The following PYY variants were observed in gnomAD, a reference collection of about 807,000 sequenced individuals.
PYY encodes peptide YY.
PYY carries 12 observed loss-of-function variants against 10.3 expected under a neutral mutation model. The ratio of observed to expected loss-of-function variants is 1.17; its 90% CI spans 0.75 to 1.89. PYY has a LOEUF of 1.89. Among genes scored for constraint, PYY ranks in the 40% most tolerant of loss-of-function variants. The pLI, the probability that PYY is intolerant of heterozygous loss-of-function variation, is 0.00. For missense variants in PYY, 141 were observed against 134.0 expected (o/e 1.05, Z -0.26); for synonymous variants, 66 against 62.0 (o/e 1.06, Z -0.30).
chr17:44,002,116 C>A (rs1332786999), intron 1 of PYY, among the ~76,000 whole-genome samples: 1 of 152,168 alleles, frequency 6.6e-6, no homozygotes, highest in Non-Finnish European at 1.5e-5. Context: ...GCCTTGGAAC[C>A]CAAGATTTCT....
In PYY at chr17:43,953,898, T is replaced by G; in HGVS notation, c.-49A>C. On this transcript the variant is annotated 5_prime_UTR_variant, in exon 1 of 4. Transcript: ENST00000692052. ...AGCAGGAGGTGGAAGGCGAGGGAAGTCCCAAGGGCTGCACTGCCGCAGGTC... is the reference window on the plus strand; with the variant it reads ...AGCAGGAGGTGGAAGGCGAGGGAAGGCCCAAGGGCTGCACTGCCGCAGGTC... 6.2e-6 allele frequency: 1 copy of G among 161,300 alleles called. No homozygotes were observed. Among genetic ancestry groups the G allele is most frequent in the Non-Finnish European group, 1.4e-5 (1 of 72,910 alleles). The allele number at this position is 161,300 out of a possible 1,614,324, so 10.0% of individuals were successfully genotyped here.
intron 1 of PYY, among the ~76,000 whole-genome samples, chr17:43,971,287 C>T (rs1208208566): frequency 3.3e-5 from 5 of 151,860 alleles, no homozygotes; most frequent in Admixed American, 1.3e-4. Context: ...TTGCATTTTC[C>T]GGCCAAGCGT....
chr17:43,976,214 T>TAC (rs2048838803), intron 1 of PYY, among the ~76,000 whole-genome samples: 6 of 143,660 alleles, frequency 4.2e-5, no homozygotes, highest in Admixed American at 3.4e-4. Flanking sequence ...CATATACGTA[T>TAC]ATGTATACAT....
intron 1 of PYY, among the ~76,000 whole-genome samples, chr17:43,968,033 G>T (rs1316838891): frequency 1.3e-5 from 2 of 152,088 alleles, no homozygotes; most frequent in African/African-American, 2.4e-5. Context: ...AGTAGCAGTG[G>T]TGACAGTAGT....
chr17:43,966,926 A>G (rs1335821992), intron 1 of PYY, among the ~76,000 whole-genome samples: 1 of 152,218 alleles, frequency 6.6e-6, no homozygotes, highest in Non-Finnish European at 1.5e-5. Context: ...GTATACACAC[A>G]TACACACACA....
intron 1 of PYY, among the ~76,000 whole-genome samples, chr17:43,968,226 T>C (rs930658226): frequency 6.6e-6 from 1 of 152,018 alleles, no homozygotes; most frequent in Non-Finnish European, 1.5e-5. Flanking sequence ...TTAAAAACAG[T>C]TGTAGTCCCA....
At chr17:43,960,785 G>T (rs981546099) in intron 2 of PYY, among the ~76,000 whole-genome samples, 1 of 149,468 alleles carries the variant, frequency 6.7e-6, no homozygotes, top group African/African-American at 2.5e-5. Context: ...AGGAGGCGGG[G>T]ATTGCAGTGA....
At chr17:43,986,555 A>G (rs1286511750) in intron 1 of PYY, among the ~76,000 whole-genome samples, 1 of 152,226 alleles carries the variant, frequency 6.6e-6, no homozygotes, top group Non-Finnish European at 1.5e-5. Context: ...CCAGCTCTAC[A>G]GCCCACTGAT....
chr17:44,003,516 G>A lies in PYY; in HGVS notation c.-463+875C>T, dbSNP rs117406516. ...CTAAAAATACAAAGATTAGCCGGGT[G>A]TGATGGTGTCTGCCTGTAATCCCTG... On this transcript the variant is annotated intron_variant, in intron 1 of 6. Coordinates refer to the PYY transcript ENST00000360085. Among the ~76,000 whole-genome samples, 1,248 of 152,076 alleles carry A rather than the reference G, an allele frequency of 8.2e-3. 45 individuals carry two copies. Among genetic ancestry groups the A allele is most frequent in the Admixed American group, 0.063 (958 of 15,272 alleles).
intron 1 of PYY, among the ~76,000 whole-genome samples, chr17:43,980,884 T>C (rs2143938431): frequency 6.6e-6 from 1 of 152,356 alleles, no homozygotes; most frequent in East Asian, 1.9e-4. Context: ...TGTAATATTC[T>C]GTGGTGTGAA....
chr17:43,953,344 C>T lies in PYY; in HGVS notation c.140G>A (p.Arg47His), dbSNP rs765291961. The change falls in exon 2 of 4, where the codon CGC (arginine) becomes CAC (histidine). Residue 47 changes from arginine to histidine, a missense_variant. Physicochemically the swap from Arg to His is conservative, Grantham distance 29. Transcript: ENST00000692052. Reference sequence around the variant, plus strand: ...GTAGTGGCGCAGGGAGGCGTAGTAGCGGTTCAGCTCCTCCGGCGAGGCGTC... The same window carrying T: ...GTAGTGGCGCAGGGAGGCGTAGTAGTGGTTCAGCTCCTCCGGCGAGGCGTC... ...REDASPEELN[R>H]YYASLRHYLN... 11 of 1,612,614 alleles carry T rather than the reference C, an allele frequency of 6.8e-6. No individual in the cohort carries two copies. The highest frequency in any genetic ancestry group is 5.5e-5 in the South Asian group (5 of 90,976).
upstream of PYY, chr17:43,954,035 C>A (rs1270876136): frequency 6.5e-6 from 1 of 153,492 alleles, no homozygotes; most frequent in African/African-American, 2.4e-5. Context: ...GGCCCTTCTT[C>A]CTCCCTCCTT....
intron 1 of PYY, among the ~76,000 whole-genome samples, chr17:43,990,405 C>T (rs2143953744): frequency 6.8e-6 from 1 of 146,370 alleles, no homozygotes; most frequent in Non-Finnish European, 1.5e-5. Context: ...CACCATTGCA[C>T]TCCAGCCTGG....
chr17:43,971,731 G>A (rs898406687), intron 1 of PYY, among the ~76,000 whole-genome samples: 4 of 150,598 alleles, frequency 2.7e-5, no homozygotes, highest in Admixed American at 1.3e-4. Flanking sequence ...GAGTTTGAAG[G>A]GTTCTTTATA....
At chr17:44,001,915 C>T (rs1171985595) in intron 1 of PYY, among the ~76,000 whole-genome samples, 1 of 152,166 alleles carries the variant, frequency 6.6e-6, no homozygotes, top group Non-Finnish European at 1.5e-5. Flanking sequence ...GAAAGAGAAG[C>T]ACATTTGGGT....
At chr17:43,963,886 C>A (rs2048736754) in intron 2 of PYY, among the ~76,000 whole-genome samples, 1 of 151,948 alleles carries the variant, frequency 6.6e-6, no homozygotes. Context: ...TGATGGCATG[C>A]ACTTTTAGTC....
chr17:44,000,752 G>A (rs980393867), intron 1 of PYY, among the ~76,000 whole-genome samples: 1 of 151,320 alleles, frequency 6.6e-6, no homozygotes, highest in Non-Finnish European at 1.5e-5. Context: ...ACAGGTCTTC[G>A]CTACGTTGGC....
At chr17:43,956,870 T>C (rs2048675519), upstream of PYY, among the ~76,000 whole-genome samples, 1 of 152,218 alleles carries the variant, frequency 6.6e-6, no homozygotes, top group Non-Finnish European at 1.5e-5. Context: ...CATTTCCTCA[T>C]GCCCAGGGTC....
At chr17:43,979,235 G>C (rs577865439) in intron 1 of PYY, among the ~76,000 whole-genome samples, 3 of 152,178 alleles carry the variant, frequency 2.0e-5, no homozygotes, top group African/African-American at 7.2e-5. Context: ...GCCCCATCCC[G>C]AACCTACTGA....
Sources: allele counts gnomAD v4.1 joint callset (sites outside exome capture counted in the v4.1 genomes callset), GRCh38; gene constraint gnomAD v4.1.1; transcripts MANE v1.5; gene names NCBI Gene and HGNC (gene_info 2026-07-23, HGNC 2026-07-21).